The following AKR1C3 variants were observed in gnomAD, a reference collection of about 807,000 sequenced individuals.
AKR1C3 encodes the protein aldo-keto reductase family 1 member C3.
Under a neutral mutation model 43.6 loss-of-function variants are expected in AKR1C3, and 48 were observed. The ratio of observed to expected loss-of-function variants is 1.10; its 90% CI spans 0.87 to 1.40. AKR1C3 has a LOEUF of 1.40. AKR1C3 is among the 40% of genes most tolerant of loss of function. The probability of loss-of-function intolerance (pLI) is 0.00; values close to 1 mark genes in which losing one functional copy is unlikely to be tolerated. For synonymous variants in AKR1C3, 162 were observed against 139.6 expected (o/e 1.16, Z -1.13); for missense variants, 482 against 391.2 (o/e 1.23, Z -1.96).
rs1256949744 is a variant in AKR1C3 at position 5,097,458 on chromosome 10, G to C, written c.277G>C (p.Glu93Gln). The change falls in exon 3 of 9, where the codon GAG (glutamate) becomes CAG (glutamine). Residue 93 changes from glutamate to glutamine, a missense_variant. Transcript: ENST00000380554. ...GCTTTGGTCCACTTTTCATCGACCA[G>C]AGTTGGTCCGACCAGCCTTGGAAAA... is the stretch of plus-strand genomic sequence containing the variant. ...SKLWSTFHRP[E>Q]LVRPALENSL... The C allele has an allele frequency of 1.9e-6, 3 of 1,613,646 alleles. No individual in the cohort carries two copies. Among genetic ancestry groups the C allele is most frequent in the Non-Finnish European group, 2.5e-6 (3 of 1,179,772 alleles).
intron 1 of AKR1C3, among the ~76,000 whole-genome samples, chr10:5,086,431 A>G (rs9703918): frequency 0.46 from 68,937 of 150,888 alleles, 16,944 homozygotes; most frequent in East Asian, 0.86. Context: ...TTGCACTGTG[A>G]TCTGAGAGAC....
chr10:5,070,974 G>A (rs58903315), intron 1 of AKR1C3, among the ~76,000 whole-genome samples: 1 of 152,196 alleles, frequency 6.6e-6, no homozygotes, highest in African/African-American at 2.4e-5. Context: ...AGCCCTGATA[G>A]GTGATCTTCA....
intron 1 of AKR1C3, among the ~76,000 whole-genome samples, chr10:5,085,096 C>G (rs1343954432): frequency 6.6e-6 from 1 of 151,992 alleles, no homozygotes; most frequent in Non-Finnish European, 1.5e-5. Context: ...TTGCCCTGGC[C>G]AGAACTTCCA....
At chr10:5,063,487 G>T (rs1304527541) in intron 1 of AKR1C3, among the ~76,000 whole-genome samples, 2 of 151,988 alleles carry the variant, frequency 1.3e-5, no homozygotes, top group African/African-American at 2.4e-5. Context: ...GCTATAGAGA[G>T]TGGGAAACAT....
At chr10:5,049,377 C>A (rs1838105245) in intron 1 of AKR1C3, among the ~76,000 whole-genome samples, 2 of 152,112 alleles carry the variant, frequency 1.3e-5, no homozygotes, top group Admixed American at 1.3e-4. Context: ...GCCTTGAGCA[C>A]CACATGGTAA....
chr10:5,056,262 C>T (rs759150426), intron 1 of AKR1C3, among the ~76,000 whole-genome samples: 1 of 152,078 alleles, frequency 6.6e-6, no homozygotes, highest in Non-Finnish European at 1.5e-5. Flanking sequence ...GTGGGATCCT[C>T]AAAGGCAAAG....
intron 5 of AKR1C3, among the ~76,000 whole-genome samples, chr10:5,101,683 C>G (rs782767129): frequency 3.3e-5 from 5 of 152,168 alleles, no homozygotes; most frequent in Non-Finnish European, 5.9e-5. Context: ...ATGCTGAAAT[C>G]TATCCAAACA....
intron 1 of AKR1C3, among the ~76,000 whole-genome samples, chr10:5,062,854 T>TAAAAAA (rs57602420): frequency 7.2e-6 from 1 of 138,552 alleles, no homozygotes; most frequent in Non-Finnish European, 1.5e-5. Flanking sequence ...AACTCCTAGT[T>TAAAAAA]AAAAAAAAAA....
At chr10:5,074,717 C>T (rs1838676233) in intron 1 of AKR1C3, among the ~76,000 whole-genome samples, 1 of 152,104 alleles carries the variant, frequency 6.6e-6, no homozygotes, top group South Asian at 2.1e-4. Context: ...AAGATGGCTA[C>T]AAGATGAAAG....
intron 5 of AKR1C3, among the ~76,000 whole-genome samples, chr10:5,101,307 T>C (rs1279135324): frequency 1.3e-5 from 2 of 152,226 alleles, no homozygotes; most frequent in African/African-American, 4.8e-5. Flanking sequence ...AATACTTTTG[T>C]ATTTAATGGT....
At chr10:5,094,572 C>G (rs370904889) in intron 1 of AKR1C3, 44 bp downstream of exon 1, 2 of 1,601,218 alleles carry the variant, frequency 1.2e-6, no homozygotes, top group Admixed American at 1.7e-5. Context: ...AAAGAATAAA[C>G]CTAGTAGAAG....
chr10:5,076,888 T>C (rs1202052352), intron 1 of AKR1C3, among the ~76,000 whole-genome samples: 1 of 152,216 alleles, frequency 6.6e-6, no homozygotes, highest in African/African-American at 2.4e-5. Context: ...CCCAGAATTA[T>C]GTGGCTACTT....
chr10:5,056,171 T>A (rs1554779549), intron 1 of AKR1C3, among the ~76,000 whole-genome samples: 1 of 152,118 alleles, frequency 6.6e-6, no homozygotes, highest in Non-Finnish European at 1.5e-5. Flanking sequence ...AGAAGTGGCC[T>A]AGATCTTGGG....
chr10:5,084,083 T>C (rs1184413068), intron 1 of AKR1C3, among the ~76,000 whole-genome samples: 2 of 152,262 alleles, frequency 1.3e-5, no homozygotes, highest in Non-Finnish European at 2.9e-5. Context: ...TTAGTTTAAT[T>C]AGGTCCCATT....
At chr10:5,101,943 A>C (rs1051798731) in intron 5 of AKR1C3, among the ~76,000 whole-genome samples, 158 bp from the exon 6 acceptor site, 5 of 152,202 alleles carry the variant, frequency 3.3e-5, no homozygotes, top group African/African-American at 1.2e-4. Context: ...AGATATATAA[A>C]ATTTATTTCT....
intron 1 of AKR1C3, among the ~76,000 whole-genome samples, chr10:5,083,901 C>A (rs1408155930): frequency 3.3e-5 from 5 of 152,178 alleles, no homozygotes; most frequent in Non-Finnish European, 7.3e-5. Flanking sequence ...TGTTCATATA[C>A]TTTGCCCACT....
chr10:5,082,745 C>T (rs1220373661), intron 1 of AKR1C3, among the ~76,000 whole-genome samples: 8 of 151,994 alleles, frequency 5.3e-5, no homozygotes, highest in African/African-American at 1.9e-4. Flanking sequence ...AGGATATGTT[C>T]CTCTAGTTTT....
intron 1 of AKR1C3, among the ~76,000 whole-genome samples, chr10:5,055,678 A>T (rs1838245903): frequency 4.7e-5 from 5 of 107,328 alleles, no homozygotes; most frequent in Admixed American, 4.2e-4. Context: ...TCTCTCTGTG[A>T]CTTATAAAGA....
chr10:5,081,056 T>C (rs911930775), intron 1 of AKR1C3, among the ~76,000 whole-genome samples: 7 of 152,124 alleles, frequency 4.6e-5, no homozygotes. Flanking sequence ...CATTCTAGGA[T>C]CAAATCAGTT....
Sources: allele counts gnomAD v4.1 joint callset (sites outside exome capture counted in the v4.1 genomes callset), GRCh38; gene constraint gnomAD v4.1.1; transcripts MANE v1.5; gene names NCBI Gene and HGNC (gene_info 2026-07-23, HGNC 2026-07-21).